SHISA9: variants seen among roughly 807,000 people sequenced by gnomAD.
SHISA9 encodes protein shisa-9.
A neutral mutation model predicts 38.0 loss-of-function variants in SHISA9; 13 were observed. The observed-to-expected ratio is 0.34, with a 90% confidence interval of 0.22 to 0.54. The LOEUF is 0.54. SHISA9 is among the 20% of genes least tolerant of loss of function. The pLI, the probability that SHISA9 is intolerant of heterozygous loss-of-function variation, is 0.91. For synonymous variants in SHISA9, 275 were observed against 242.0 expected, an observed-to-expected ratio of 1.14 and a Z score of -1.27; for missense variants, 538 against 575.8, an observed-to-expected ratio of 0.93 and a Z score of 0.67.
Position 12,946,497 on chromosome 16 carries a change from G to C in SHISA9, c.691+29682G>C, listed in dbSNP as rs142968554. ...TAGAAGGAGGAGAGCAAGGAAGGAA[G>C]GTAGGGCAGGGGAACAGAGCCAAGC... On this transcript the variant is annotated intron_variant, in intron 2 of 4. Transcript: ENST00000558583. 1.4e-3 allele frequency among the ~76,000 whole-genome samples: 218 copies of C among 152,306 alleles called. 2 individuals are homozygous for C. The highest frequency in any genetic ancestry group is 4.1e-3 in the East Asian group (21 of 5,184).
chr16:13,365,005 C>CT, the SHISA9 span, among the ~76,000 whole-genome samples: 2 of 152,040 alleles, frequency 1.3e-5, no homozygotes, highest in Non-Finnish European at 2.9e-5. Flanking sequence ...ACCCTAGGAC[C>CT]TAGGGACACC....
chr16:13,004,312 T>C (rs561927215), intron 2 of SHISA9, among the ~76,000 whole-genome samples: 1 of 152,206 alleles, frequency 6.6e-6, no homozygotes, highest in East Asian at 1.9e-4. Flanking sequence ...GTGGAGGAAA[T>C]AGAATTCAGG....
chr16:13,258,816 C>A, the SHISA9 span, among the ~76,000 whole-genome samples: 1 of 152,154 alleles, frequency 6.6e-6, no homozygotes, highest in Non-Finnish European at 1.5e-5. Context: ...GATTCAATTA[C>A]CTCCCTCTGG....
chr16:12,980,761 T>G (rs761932895), intron 2 of SHISA9, among the ~76,000 whole-genome samples: 8 of 152,122 alleles, frequency 5.3e-5, no homozygotes, highest in Non-Finnish European at 1.0e-4. Context: ...AGTCATGACT[T>G]CTTCCTCTGG....
At chr16:13,285,704 T>G in the SHISA9 span, among the ~76,000 whole-genome samples, 1 of 152,146 alleles carries the variant, frequency 6.6e-6, no homozygotes, top group Non-Finnish European at 1.5e-5. Context: ...TAAGTGTAAA[T>G]GTCAGATAAA....
At chr16:13,479,218 G>A in the SHISA9 span, among the ~76,000 whole-genome samples, 2 of 151,970 alleles carry the variant, frequency 1.3e-5, no homozygotes, top group African/African-American at 2.4e-5. Context: ...CTCTTTTAAG[G>A]GCCCCTGTGA....
At chr16:13,214,887 C>T (rs761352296) in intron 4 of SHISA9, among the ~76,000 whole-genome samples, 5 of 152,242 alleles carry the variant, frequency 3.3e-5, no homozygotes, top group South Asian at 2.1e-4. Context: ...GGGAATTGTG[C>T]GAGTTGCAAT....
rs189271881 is a variant in SHISA9, at chr16:13,019,941, T to C, written c.691+103126T>C. Among the ~76,000 whole-genome samples, 382 of 82,000 alleles carry C rather than the reference T, an allele frequency of 4.7e-3. 19 individuals carry two copies. The highest frequency in any genetic ancestry group is 7.9e-3 in the Non-Finnish European group (273 of 34,508). 53.8% of individuals were successfully genotyped at this position (82,000 alleles called of 152,430 possible). On this transcript the variant is annotated intron_variant, in intron 2 of 4. Transcript: ENST00000558583. ...TTTCTTTCTTTCTTTCTTTCTTTCTTTCTTTCTTTCTTTCTTTCCCTCCTT... is the reference window on the plus strand; with the variant it reads ...TTTCTTTCTTTCTTTCTTTCTTTCTCTCTTTCTTTCTTTCTTTCCCTCCTT...
chr16:12,908,833 C>G, intron 1 of SHISA9: 1 of 1,277,776 alleles, frequency 7.8e-7, no homozygotes, highest in Non-Finnish European at 9.9e-7. Flanking sequence ...GTGAAGCTCT[C>G]TACACTTGAA....
intron 2 of SHISA9, among the ~76,000 whole-genome samples, chr16:13,113,416 G>A (rs1368808761): frequency 1.3e-5 from 2 of 152,060 alleles, no homozygotes; most frequent in Non-Finnish European, 2.9e-5. Flanking sequence ...CGTATTCCAG[G>A]GAGTGTCCAT....
At chr16:13,361,383 C>G in the SHISA9 span, among the ~76,000 whole-genome samples, 5 of 152,366 alleles carry the variant, frequency 3.3e-5, no homozygotes, top group South Asian at 1.0e-3. Flanking sequence ...ATCTCCTGAT[C>G]AATCACCAAA....
the SHISA9 span, among the ~76,000 whole-genome samples, chr16:13,442,136 GGC>G: frequency 6.6e-6 from 1 of 152,144 alleles, no homozygotes; most frequent in Non-Finnish European, 1.5e-5. Context: ...TCCAAGAAAG[GGC>G]AGAAATATAA....
chr16:13,440,006 C>T, the SHISA9 span, among the ~76,000 whole-genome samples: 3 of 152,128 alleles, frequency 2.0e-5, no homozygotes, highest in Non-Finnish European at 4.4e-5. Context: ...CTCAGGCAGC[C>T]GCGCCTCAAG....
chr16:13,099,149 C>A (rs982117045), intron 2 of SHISA9, among the ~76,000 whole-genome samples: 1 of 152,214 alleles, frequency 6.6e-6, no homozygotes, highest in Non-Finnish European at 1.5e-5. Flanking sequence ...ATTCACTGAC[C>A]GATCATCTAT....
At chr16:13,313,254 C>CAAAAAAAAA in the SHISA9 span, among the ~76,000 whole-genome samples, 2 of 49,664 alleles carry the variant, frequency 4.0e-5, no homozygotes, top group Non-Finnish European at 4.7e-5. Flanking sequence ...GACTCCGTCT[C>CAAAAAAAAA]AAAAAAAAAA....
chr16:13,412,908 A>G, the SHISA9 span, among the ~76,000 whole-genome samples: 729 of 152,240 alleles, frequency 4.8e-3, 1 homozygote, highest in Non-Finnish European at 7.0e-3. Context: ...GAGAAAGACA[A>G]TTAAATAACA....
the SHISA9 span, among the ~76,000 whole-genome samples, chr16:13,407,551 C>T: frequency 6.6e-6 from 1 of 152,156 alleles, no homozygotes; most frequent in South Asian, 2.1e-4. Context: ...ATGATGCTGT[C>T]ATGAACACTG....
chr16:13,484,331 G>GT, the SHISA9 span, among the ~76,000 whole-genome samples: 43 of 152,206 alleles, frequency 2.8e-4, no homozygotes, highest in African/African-American at 1.0e-3. Flanking sequence ...TTGTACAATT[G>GT]TAACTTCACC....
the SHISA9 span, among the ~76,000 whole-genome samples, chr16:13,533,940 C>T: frequency 5.9e-5 from 9 of 151,914 alleles, no homozygotes; most frequent in East Asian, 3.9e-4. Flanking sequence ...CCTGCCACTG[C>T]GCCCAGCTAA....
Sources: gnomAD v4.1 joint callset for allele counts (sites outside exome capture counted in the v4.1 genomes callset) on GRCh38, gnomAD v4.1.1 for gene constraint, MANE v1.5 for transcripts, NCBI Gene and HGNC (gene_info 2026-07-23, HGNC 2026-07-21) for gene names.